The following CPEB3 variants were observed in gnomAD, a reference collection of about 807,000 sequenced individuals.
The protein encoded by CPEB3 is cytoplasmic polyadenylation element binding protein 3.
In CPEB3, 20 loss-of-function variants were observed where a neutral mutation model predicts 67.2. The observed-to-expected ratio is 0.30, with a 90% CI of 0.21 to 0.43. CPEB3 has a LOEUF of 0.43. CPEB3 is among the 20% of genes least tolerant of loss of function. The probability of loss-of-function intolerance (pLI) is 1.00; values close to 1 mark genes in which losing one functional copy is unlikely to be tolerated. For missense variants in CPEB3, 746 were observed against 968.6 expected, an observed-to-expected ratio of 0.77 and a Z score of 3.05; for synonymous variants, 376 against 393.1, an observed-to-expected ratio of 0.96 and a Z score of 0.51.
At chr10:92,163,328 G>T (rs969027251) in intron 4 of CPEB3, among the ~76,000 whole-genome samples, 1 of 152,218 alleles carries the variant, frequency 6.6e-6, no homozygotes, top group African/African-American at 2.4e-5. Flanking sequence ...CAGCTACTCG[G>T]GAGGCTGAGG....
chr10:92,164,635 A>G (rs2133974393), intron 4 of CPEB3, among the ~76,000 whole-genome samples: 1 of 152,224 alleles, frequency 6.6e-6, no homozygotes. Flanking sequence ...GTTTATTTTT[A>G]TTGCTGAGTA....
rs72807238 is a variant in CPEB3, at chr10:92,149,577, G to A, written c.1223-4492C>T. 2.3e-3 allele frequency among the ~76,000 whole-genome samples: 352 copies of A among 152,312 alleles called. 1 individual carries two copies. The highest frequency in any genetic ancestry group is 6.8e-3 in the Middle Eastern group (2 of 294). ...ATCAAGAGTTGTAAAAATTTGGACA[G>A]TTTTATTAAGTGGTTATGGGTAATT... On this transcript the variant is annotated intron_variant, in intron 4 of 9. Coordinates refer to ENST00000265997, the MANE Select transcript of CPEB3 (RefSeq NM_014912.5).
At chr10:92,164,875 T>A (rs1476058277) in intron 4 of CPEB3, among the ~76,000 whole-genome samples, 2 of 152,230 alleles carry the variant, frequency 1.3e-5, no homozygotes, top group East Asian at 1.9e-4. Flanking sequence ...TTTTCTTTTT[T>A]AAATTTTATT....
At chr10:92,091,445 A>G (rs1049330414) in intron 8 of CPEB3, among the ~76,000 whole-genome samples, 5 of 152,058 alleles carry the variant, frequency 3.3e-5, no homozygotes, top group African/African-American at 1.2e-4. Context: ...CAATTATTTC[A>G]TCACTGGAAA....
intron 2 of CPEB3, among the ~76,000 whole-genome samples, chr10:92,199,557 G>A (rs909085497): frequency 6.6e-6 from 1 of 151,402 alleles, no homozygotes; most frequent in East Asian, 1.9e-4. Context: ...GGTGGCACGC[G>A]CCTGTAGTCC....
intron 1 of CPEB3, among the ~76,000 whole-genome samples, chr10:92,248,825 T>G (rs943740974): frequency 2.6e-5 from 4 of 152,366 alleles, no homozygotes; most frequent in African/African-American, 9.6e-5. Context: ...CAATGGATGT[T>G]TGTCAGTCTA....
chr10:92,253,829 G>C (rs1180811035), intron 1 of CPEB3, among the ~76,000 whole-genome samples: 1 of 151,942 alleles, frequency 6.6e-6, no homozygotes, highest in East Asian at 1.9e-4. Flanking sequence ...AATAGGAGGG[G>C]GAGCCTTAGG....
intron 9 of CPEB3, among the ~76,000 whole-genome samples, chr10:92,070,796 C>A (rs561525579): frequency 2.1e-5 from 3 of 143,600 alleles, no homozygotes; most frequent in African/African-American, 5.2e-5. Context: ...AGAGCAACAA[C>A]AAAAATAAAA....
chr10:92,137,071 A>T, intron 6 of CPEB3: 1 of 267,976 alleles, frequency 3.7e-6, no homozygotes, highest in Non-Finnish European at 7.7e-6. Context: ...TGATGTGATC[A>T]CTCAAGCCCT....
At chr10:92,056,622 T>G (rs1842123229) in intron 9 of CPEB3, among the ~76,000 whole-genome samples, 1 of 152,208 alleles carries the variant, frequency 6.6e-6, no homozygotes, top group South Asian at 2.1e-4. Flanking sequence ...TACAGTGCTC[T>G]GTGTCTTTAA....
At chr10:92,210,206 G>A (rs1293077369) in intron 2 of CPEB3, among the ~76,000 whole-genome samples, 1 of 152,130 alleles carries the variant, frequency 6.6e-6, no homozygotes, top group African/African-American at 2.4e-5. Flanking sequence ...AATTGAATAA[G>A]TTATTTAATC....
intron 4 of CPEB3, among the ~76,000 whole-genome samples, chr10:92,175,828 A>G (rs191797690): frequency 2.0e-3 from 310 of 152,140 alleles, no homozygotes; most frequent in Non-Finnish European, 4.0e-3. Flanking sequence ...GGTGGCTCAC[A>G]GCTGTAATCC....
At chr10:92,090,637 A>C (rs1478762485) in intron 8 of CPEB3, among the ~76,000 whole-genome samples, 1 of 152,248 alleles carries the variant, frequency 6.6e-6, no homozygotes, top group African/African-American at 2.4e-5. Flanking sequence ...TTGTAAAATA[A>C]GGAAAAGGAT....
chr10:92,186,607 G>C (rs111612672), intron 3 of CPEB3, among the ~76,000 whole-genome samples: 4 of 151,758 alleles, frequency 2.6e-5, no homozygotes, highest in African/African-American at 9.7e-5. Context: ...GCTAATTTTC[G>C]TATTTTTAGT....
At chr10:92,178,458 G>A (rs576184066) in intron 4 of CPEB3, among the ~76,000 whole-genome samples, 114 of 152,070 alleles carry the variant, frequency 7.5e-4, no homozygotes, top group African/African-American at 2.5e-3. Flanking sequence ...CACGCCCAGC[G>A]ATCTCAATTA....
chr10:92,072,772 T>A (rs1226879658), intron 9 of CPEB3, among the ~76,000 whole-genome samples: 3 of 152,198 alleles, frequency 2.0e-5, no homozygotes, highest in African/African-American at 7.2e-5. Context: ...CTAATGATCA[T>A]GCCTGTGACT....
intron 2 of CPEB3, among the ~76,000 whole-genome samples, chr10:92,231,534 C>G (rs1590464725): frequency 6.6e-6 from 1 of 152,104 alleles, no homozygotes; most frequent in Non-Finnish European, 1.5e-5. Context: ...CTCCATCCCT[C>G]CATTTTCGCA....
At chr10:92,248,760 G>A (rs1190072651) in intron 1 of CPEB3, among the ~76,000 whole-genome samples, 2 of 152,048 alleles carry the variant, frequency 1.3e-5, no homozygotes, top group East Asian at 1.9e-4. Flanking sequence ...CACACACCCC[G>A]CCCTTCCACA....
chr10:92,239,947 A>T lies in CPEB3; in HGVS notation c.404T>A (p.Leu135His). 6.2e-7 allele frequency: 1 copy of T among 1,613,366 alleles called. No homozygotes were observed. Among genetic ancestry groups the T allele is most frequent in the Non-Finnish European group, 8.5e-7 (1 of 1,179,686 alleles). Residue 135 changes from leucine to histidine, a missense_variant, in exon 2 of 10, where the codon CTC becomes CAC. Physicochemically the swap from Leu to His is moderately conservative, Grantham distance 99. Around this residue, in one of 2 missense-constraint regions of CPEB3, gnomAD observed 643 missense variants for 717.5 expected, o/e 0.90. Transcript: ENST00000265997. The surrounding 1 kb of genome is among the most constrained non-coding windows in gnomAD (Gnocchi z 6.0). ...GACATGGTGCGGGAAGTTCTGGAAG[A>T]GCATGGTCCCGTTGACTGGGGTGAT... ...QGITPVNGTM[L>H]FQNFPHHVNP...
Sources: gnomAD v4.1 joint callset for allele counts (sites outside exome capture counted in the v4.1 genomes callset) on GRCh38, gnomAD v4.1.1 for gene constraint, gnomAD v4.1.1 regional missense constraint, Gnocchi (gnomAD v3.1) non-coding constraint, MANE v1.5 for transcripts, NCBI Gene and HGNC (gene_info 2026-07-23, HGNC 2026-07-21) for gene names.